The following SLC44A1 variants were observed in gnomAD, a reference collection of about 807,000 sequenced individuals.
The protein encoded by SLC44A1 is solute carrier family 44 member 1.
In SLC44A1, 26 loss-of-function variants were observed where a neutral mutation model predicts 79.3. The observed-to-expected ratio is 0.33, with a 90% CI of 0.24 to 0.46. The LOEUF (loss-of-function observed/expected upper bound fraction) is 0.46. Among genes scored for constraint, SLC44A1 ranks in the 20% least tolerant of loss-of-function variants. The pLI is 1.00. For synonymous variants in SLC44A1, 263 were observed against 286.2 expected (o/e 0.92, Z 0.82); for missense variants, 688 against 798.1 (o/e 0.86, Z 1.66).
chr9:105,415,305 G>A (rs147939043), intron 15 of SLC44A1, among the ~76,000 whole-genome samples: 175 of 152,316 alleles, frequency 1.1e-3, no homozygotes, highest in African/African-American at 4.0e-3. Flanking sequence ...AAAAAAGGCA[G>A]CGTTTAAAAC....
chr9:105,385,641 G>A (rs1828608798), intron 15 of SLC44A1, 139 bp downstream of exon 15: 1 of 1,438,326 alleles, frequency 7.0e-7, no homozygotes, highest in Non-Finnish European at 9.1e-7. Flanking sequence ...CTTTCTGTTT[G>A]TGTGCTTACC....
Position 105,389,943 on chromosome 9 carries a change from A to G in SLC44A1, c.*887A>G, listed in dbSNP as rs1282426473. On this transcript the variant is annotated 3_prime_UTR_variant, in exon 16 of 16. Coordinates refer to ENST00000374720, the MANE Select transcript of SLC44A1 (RefSeq NM_080546.5). ...GGAGGAATAAAGAAGGGACAGAAAC[A>G]TGGAACATAAAGCATTGAAAATTCC... is the stretch of plus-strand genomic sequence containing the variant. 4.0e-6 allele frequency: 6 copies of G among 1,511,554 alleles called. No homozygotes were observed. The highest frequency in any genetic ancestry group is 4.4e-6 in the Non-Finnish European group (5 of 1,131,308). 93.6% of individuals were successfully genotyped at this position (1,511,554 alleles called of 1,614,324 possible). A position where few individuals can be genotyped will look rare whatever the true frequency, so the allele number is the denominator to read the frequency against.
In SLC44A1 at chr9:105,394,215, G is replaced by A. The variant is rs867341400; in HGVS notation, c.*5159G>A. On this transcript the variant is annotated 3_prime_UTR_variant, in exon 16 of 16. Transcript: ENST00000374720. ...TGATAATGTGTTTTGAAATGAGGAA[G>A]TGATTAGGCCTCCACTAGAGATACT... is the stretch of plus-strand genomic sequence containing the variant. The A allele has an allele frequency of 1.0e-6, 1 of 985,412 alleles. No homozygotes were observed. 61.0% of individuals were successfully genotyped at this position (985,412 alleles called of 1,614,324 possible). A position where few individuals can be genotyped will look rare whatever the true frequency, so the allele number is the denominator to read the frequency against.
chr9:105,401,550 G>T (rs927259516), downstream of SLC44A1, among the ~76,000 whole-genome samples: 5 of 152,010 alleles, frequency 3.3e-5, no homozygotes, highest in African/African-American at 1.2e-4. Context: ...ATTATTATTA[G>T]ACCAGGGAAA....
chr9:105,267,552 C>G (rs1829989498), intron 1 of SLC44A1, among the ~76,000 whole-genome samples: 1 of 152,044 alleles, frequency 6.6e-6, no homozygotes, highest in Non-Finnish European at 1.5e-5. Context: ...TTCAGTATTT[C>G]TATTGTGTTT....
At chr9:105,409,318 G>A (rs1160042030) in intron 15 of SLC44A1, among the ~76,000 whole-genome samples, 2 of 152,206 alleles carry the variant, frequency 1.3e-5, no homozygotes, top group Non-Finnish European at 2.9e-5. Context: ...CAGCCAGTAA[G>A]ACAAAAATTG....
intron 15 of SLC44A1, among the ~76,000 whole-genome samples, chr9:105,428,511 T>C (rs577312584): frequency 6.6e-6 from 1 of 152,224 alleles, no homozygotes; most frequent in East Asian, 1.9e-4. Flanking sequence ...CTCTGCCATC[T>C]TTTTGGTCCT....
At chr9:105,283,286 C>A (rs889679014) in intron 1 of SLC44A1, among the ~76,000 whole-genome samples, 1 of 152,112 alleles carries the variant, frequency 6.6e-6, no homozygotes, top group Non-Finnish European at 1.5e-5. Context: ...TACTGAAATG[C>A]TAGGAGAAGT....
At position 105,392,825 on chromosome 9, in the gene SLC44A1, T is replaced by C; in HGVS notation, c.*3769T>C. On this transcript the variant is annotated 3_prime_UTR_variant, in exon 16 of 16. Coordinates refer to ENST00000374720, the MANE Select transcript of SLC44A1 (RefSeq NM_080546.5). ...CTTGAATATTTTATTTGATTTTTGG[T>C]CAGTAACCTTGTCATTTAAATTGGA... 2.0e-6 allele frequency: 2 copies of C among 985,450 alleles called. No individual in the cohort carries two copies. The highest frequency in any genetic ancestry group is 1.7e-5 in the African/African-American group (1 of 57,374). 61.0% of individuals were successfully genotyped at this position (985,450 alleles called of 1,614,324 possible). A position where few individuals can be genotyped will look rare whatever the true frequency, so the allele number is the denominator to read the frequency against.
chr9:105,284,550 AC>A (rs1387007080), intron 1 of SLC44A1, among the ~76,000 whole-genome samples: 1 of 151,302 alleles, frequency 6.6e-6, no homozygotes, highest in Non-Finnish European at 1.5e-5. Flanking sequence ...GAAAGTCAGC[AC>A]CTTATCTAGT....
At chr9:105,321,741 A>C (rs895605735) in intron 3 of SLC44A1, among the ~76,000 whole-genome samples, 5 of 152,046 alleles carry the variant, frequency 3.3e-5, no homozygotes, top group African/African-American at 1.2e-4. Flanking sequence ...GAAAAATATA[A>C]TACTTGTTTT....
chr9:105,382,525 A>G (rs1009288473), intron 13 of SLC44A1, among the ~76,000 whole-genome samples: 20 of 152,188 alleles, frequency 1.3e-4, no homozygotes, highest in African/African-American at 4.3e-4. Context: ...AAGACTATAC[A>G]TGTTTGTTGC....
intron 13 of SLC44A1, 86 bp downstream of exon 13, chr9:105,374,821 C>CA (rs1292969202): frequency 9.1e-7 from 1 of 1,094,934 alleles, no homozygotes; most frequent in Non-Finnish European, 1.3e-6. Context: ...TTCAGGCCAC[C>CA]AAAAAACTAA....
intron 1 of SLC44A1, among the ~76,000 whole-genome samples, chr9:105,250,990 A>G (rs1829571399): frequency 6.6e-6 from 1 of 152,104 alleles, no homozygotes; most frequent in Non-Finnish European, 1.5e-5. Context: ...GTGTGTCACC[A>G]AGTTTGAGAG....
chr9:105,309,987 G>A, intron 3 of SLC44A1, 121 bp downstream of exon 3: 4 of 1,038,708 alleles, frequency 3.9e-6, no homozygotes, highest in Non-Finnish European at 5.4e-6. Context: ...TGTGACTTCT[G>A]TTGGTGTGTT....
chr9:105,354,086 T>C (rs1400741123), intron 5 of SLC44A1, among the ~76,000 whole-genome samples: 3 of 135,710 alleles, frequency 2.2e-5, no homozygotes, highest in Non-Finnish European at 4.6e-5. Context: ...AGTCTCTCTC[T>C]GTCGCCCAGG....
chr9:105,371,761 T>C (rs933568128), intron 12 of SLC44A1, among the ~76,000 whole-genome samples: 7 of 148,620 alleles, frequency 4.7e-5, no homozygotes, highest in Non-Finnish European at 1.0e-4. Context: ...AGGCCAGATA[T>C]GGCCTGCAGG....
intron 12 of SLC44A1, among the ~76,000 whole-genome samples, chr9:105,369,079 C>T (rs1828026253): frequency 6.6e-6 from 1 of 152,164 alleles, no homozygotes; most frequent in African/African-American, 2.4e-5. Context: ...ATTTGCAACA[C>T]ACTTGTAATT....
chr9:105,298,767 A>G (rs1281321048), intron 1 of SLC44A1, among the ~76,000 whole-genome samples: 1 of 152,182 alleles, frequency 6.6e-6, no homozygotes, highest in Non-Finnish European at 1.5e-5. Flanking sequence ...AGCTAGCATT[A>G]AGAGTGAAGT....
Sources: allele counts gnomAD v4.1 joint callset (sites outside exome capture counted in the v4.1 genomes callset), GRCh38; gene constraint gnomAD v4.1.1; transcripts MANE v1.5; gene names NCBI Gene and HGNC (gene_info 2026-07-23, HGNC 2026-07-21).